DAB1: variants seen among roughly 807,000 people sequenced by gnomAD.
The protein encoded by DAB1 is DAB adaptor protein 1, also known as disabled homolog 1.
DAB1 carries 15 observed loss-of-function variants against 64.6 expected under a neutral mutation model. The observed-to-expected ratio is 0.23, with a 90% CI of 0.16 to 0.36. DAB1 has a LOEUF of 0.36. Among genes scored for constraint, DAB1 ranks in the 10% least tolerant of loss-of-function variants. The pLI, the probability that DAB1 is intolerant of heterozygous loss-of-function variation, is 1.00. For missense variants in DAB1, 596 were observed against 706.7 expected, an observed-to-expected ratio of 0.84 and a Z score of 1.78; for synonymous variants, 235 against 251.9, an observed-to-expected ratio of 0.93 and a Z score of 0.64.
At chr1:57,571,535 G>A (rs931682542) in intron 7 of DAB1, among the ~76,000 whole-genome samples, 1 of 152,130 alleles carries the variant, frequency 6.6e-6, no homozygotes, top group African/African-American at 2.4e-5. Flanking sequence ...TTCAAAATGT[G>A]CTAGTAATTT....
intron 2 of DAB1, among the ~76,000 whole-genome samples, chr1:57,145,842 A>G (rs1040116725): frequency 6.6e-6 from 1 of 152,232 alleles, no homozygotes; most frequent in Non-Finnish European, 1.5e-5. Context: ...AGTCTCTGGC[A>G]TTGCCAACAT....
At chr1:57,303,099 T>G (rs976693484) in intron 1 of DAB1, among the ~76,000 whole-genome samples, 1 of 152,186 alleles carries the variant, frequency 6.6e-6, no homozygotes, top group Non-Finnish European at 1.5e-5. Flanking sequence ...ACTGAGATAA[T>G]GAAAACTGGG....
At chr1:57,916,440 T>C (rs1487876547) in intron 5 of DAB1, among the ~76,000 whole-genome samples, 1 of 152,248 alleles carries the variant, frequency 6.6e-6, no homozygotes, top group Non-Finnish European at 1.5e-5. Flanking sequence ...AGTTTATAGC[T>C]TGACATTTCA....
chr1:57,895,657 T>C (rs899380416), intron 5 of DAB1, among the ~76,000 whole-genome samples: 1 of 152,200 alleles, frequency 6.6e-6, no homozygotes, highest in Non-Finnish European at 1.5e-5. Flanking sequence ...CTTTTTGTAT[T>C]CCTAGAATAA....
rs1343248490 is a variant in DAB1 at position 57,860,061 on chromosome 1, A to G, written n.87+23938T>C. On this transcript the variant is annotated intron_variant and non_coding_transcript_variant, in intron 1 of 1. Transcript: ENST00000477280. ...CCCATGGTATAGATGAGGAAAATAAACCAAAGAGAGGTTAAGAGACCTCCT... is the reference window on the plus strand; with the variant it reads ...CCCATGGTATAGATGAGGAAAATAAGCCAAAGAGAGGTTAAGAGACCTCCT... Among the ~76,000 whole-genome samples, 4 of 152,208 alleles carry G rather than the reference A, an allele frequency of 2.6e-5. No homozygotes were observed. The East Asian group carries it at 5.8e-4, about 22-fold the overall frequency.
chr1:57,862,964 TAA>T (rs1045300502), intron 1 of DAB1: 4 of 152,180 alleles, frequency 2.6e-5, no homozygotes, highest in Non-Finnish European at 5.9e-5. Context: ...TATGCCCACA[TAA>T]AGACTTGTGC....
intron 2 of DAB1, among the ~76,000 whole-genome samples, chr1:57,204,676 C>A (rs1417404105): frequency 2.0e-5 from 3 of 152,100 alleles, no homozygotes; most frequent in Non-Finnish European, 2.9e-5. Flanking sequence ...TGGGGGAAAT[C>A]ATAATAAAGA....
At chr1:58,363,219 A>G (rs1644183830) in intron 3 of DAB1, among the ~76,000 whole-genome samples, 1 of 152,218 alleles carries the variant, frequency 6.6e-6, no homozygotes, top group South Asian at 2.1e-4. Context: ...CCCATAACAT[A>G]CAGCTTTAGA....
chr1:58,337,558 T>G (rs574495179), intron 4 of DAB1, among the ~76,000 whole-genome samples: 9 of 152,338 alleles, frequency 5.9e-5, no homozygotes, highest in African/African-American at 2.2e-4. Context: ...TTACTAGTTC[T>G]GTGACCTTGG....
chr1:58,324,368 G>A (rs562527867), intron 4 of DAB1, among the ~76,000 whole-genome samples: 5 of 152,124 alleles, frequency 3.3e-5, no homozygotes, highest in East Asian at 3.9e-4. Flanking sequence ...GAATATCTTC[G>A]GGTCTCAGCT....
intron 2 of DAB1, among the ~76,000 whole-genome samples, chr1:57,231,925 G>A (rs547708101): frequency 1.3e-5 from 2 of 152,046 alleles, no homozygotes; most frequent in African/African-American, 4.8e-5. Flanking sequence ...TTTCTAGCCC[G>A]CTATCTTTTT....
At chr1:57,703,182 G>C (rs948126915) in intron 6 of DAB1, among the ~76,000 whole-genome samples, 9 of 152,122 alleles carry the variant, frequency 5.9e-5, no homozygotes, top group Admixed American at 2.0e-4. Context: ...AGTGAAAATT[G>C]ATAAATGGGA....
intron 5 of DAB1, among the ~76,000 whole-genome samples, chr1:57,931,064 A>T (rs1461582792): frequency 6.6e-6 from 1 of 152,170 alleles, no homozygotes; most frequent in Non-Finnish European, 1.5e-5. Flanking sequence ...TCCTTAATAG[A>T]CATTGGATTT....
intron 2 of DAB1, among the ~76,000 whole-genome samples, chr1:57,197,206 T>A (rs1664694760): frequency 6.6e-6 from 1 of 152,066 alleles, no homozygotes; most frequent in Non-Finnish European, 1.5e-5. Context: ...TAGCCAGGCA[T>A]GGTGGCACGT....
At chr1:57,668,114 A>G (rs1040692738) in intron 6 of DAB1, among the ~76,000 whole-genome samples, 2 of 152,150 alleles carry the variant, frequency 1.3e-5, no homozygotes, top group South Asian at 2.1e-4. Flanking sequence ...TAAAATTAAA[A>G]TTTGAAAGTG....
intron 1 of DAB1, among the ~76,000 whole-genome samples, chr1:57,378,522 A>G (rs1272891577): frequency 6.6e-6 from 1 of 152,198 alleles, no homozygotes; most frequent in Non-Finnish European, 1.5e-5. Context: ...CACATGAGGT[A>G]TTGGGTATTA....
At chr1:58,064,780 G>C (rs1201227464) in intron 5 of DAB1, among the ~76,000 whole-genome samples, 7 of 151,956 alleles carry the variant, frequency 4.6e-5, no homozygotes, top group Non-Finnish European at 7.4e-5. Flanking sequence ...GGAGTGCAGT[G>C]GCGTGATCTC....
chr1:57,349,912 G>T (rs1197435743), intron 1 of DAB1, among the ~76,000 whole-genome samples: 1 of 152,134 alleles, frequency 6.6e-6, no homozygotes. Context: ...TCACCATCAA[G>T]TGGCCATCCT....
intron 7 of DAB1, among the ~76,000 whole-genome samples, chr1:57,626,046 G>T (rs917256206): frequency 5.3e-5 from 8 of 152,034 alleles, no homozygotes; most frequent in Non-Finnish European, 2.9e-5. Flanking sequence ...GTTTGGAATG[G>T]ATCATTTAGA....
Sources: allele counts gnomAD v4.1 joint callset (sites outside exome capture counted in the v4.1 genomes callset), GRCh38; gene constraint gnomAD v4.1.1; transcripts MANE v1.5; gene names NCBI Gene and HGNC (gene_info 2026-07-23, HGNC 2026-07-21).